Variants in DNAH9 observed in about 807,000 individuals in gnomAD.
The protein encoded by DNAH9 is dynein axonemal heavy chain 9, also known as DNAH9 variant protein.
DNAH9 carries 345 observed loss-of-function variants against 471.6 expected under a neutral mutation model. The observed-to-expected ratio is 0.73, with a 90% CI of 0.67 to 0.80. The LOEUF is 0.80. DNAH9 is among the 30% of genes least tolerant of loss of function. The pLI, the probability that DNAH9 is intolerant of heterozygous loss-of-function variation, is 0.00. For synonymous variants in DNAH9, 2,093 were observed against 2,123.6 expected (o/e 0.99, Z 0.40); for missense variants, 5,407 against 5,609.2 (o/e 0.96, Z 1.15).
chr17:11,610,619 C>T, intron 3 of DNAH9, 65 bp downstream of exon 3: 6 of 1,519,234 alleles, frequency 3.9e-6, no homozygotes, highest in Admixed American at 3.7e-5. Context: ...AAAGCTAGAG[C>T]TTTCCTGGGT....
intron 11 of DNAH9, among the ~76,000 whole-genome samples, chr17:11,645,783 C>T (rs1356691625): frequency 1.3e-5 from 2 of 152,064 alleles, no homozygotes; most frequent in Non-Finnish European, 2.9e-5. Flanking sequence ...CATCACCTCT[C>T]CTATGAAACC....
chr17:11,710,730 T>C (rs1044606651), intron 26 of DNAH9, among the ~76,000 whole-genome samples: 2 of 152,252 alleles, frequency 1.3e-5, no homozygotes, highest in African/African-American at 4.8e-5. Context: ...CAATTTAATA[T>C]TGCACTATAT....
At chr17:11,813,562 A>G (rs1379127591) in intron 45 of DNAH9, among the ~76,000 whole-genome samples, 1 of 152,082 alleles carries the variant, frequency 6.6e-6, no homozygotes, top group Admixed American at 6.6e-5. Context: ...CTTGCAATTC[A>G]CTCATCCCTC....
chr17:11,606,820 A>G (rs934020088), intron 1 of DNAH9, among the ~76,000 whole-genome samples: 1 of 152,152 alleles, frequency 6.6e-6, no homozygotes, highest in African/African-American at 2.4e-5. Context: ...GTCTTTCTCC[A>G]TCTGTAAGCA....
intron 67 of DNAH9, among the ~76,000 whole-genome samples, chr17:11,957,588 G>C (rs925097500): frequency 6.9e-6 from 1 of 145,386 alleles, no homozygotes; most frequent in African/African-American, 2.5e-5. Context: ...AAAAAAGCCA[G>C]CAAGCCAGAA....
rs1332783804 is a variant in DNAH9 at position 11,640,387 on chromosome 17, G to T, written c.1901+3G>T. ...AACTTTGGACGCATCACACACCCGT[G>T]AGTATTGTGTTCCTGAAAGACAGGC... is the stretch of plus-strand genomic sequence containing the variant. On this transcript the variant is annotated splice_donor_region_variant and intron_variant, in intron 10 of 68. Coordinates refer to ENST00000262442, the MANE Select transcript of DNAH9 (RefSeq NM_001372.4). 6.3e-7 allele frequency: 1 copy of T among 1,585,810 alleles called. No individual in the cohort carries two copies. The highest frequency in any genetic ancestry group is 1.7e-5 in the Admixed American group (1 of 59,964).
At chr17:11,901,498 C>T (rs894144972) in intron 59 of DNAH9, among the ~76,000 whole-genome samples, 3 of 152,082 alleles carry the variant, frequency 2.0e-5, no homozygotes, top group African/African-American at 7.2e-5. Flanking sequence ...GAGTTCAAGA[C>T]CAGCCCGACC....
intron 61 of DNAH9, among the ~76,000 whole-genome samples, chr17:11,916,068 T>A (rs1567897532): frequency 6.6e-6 from 1 of 152,252 alleles, no homozygotes; most frequent in Non-Finnish European, 1.5e-5. Context: ...CACTTTATAG[T>A]CTGTGTTCCT....
Position 11,694,346 on chromosome 17 carries a change from G to A in DNAH9, c.4771G>A (p.Ala1591Thr), listed in dbSNP as rs778956653. ...GRLCLCEKAL[A>T]EYLDTKRLAF... ...ATTGTGCCTGTGTGAGAAGGCCCTG[G>A]CAGAGTACCTCGACACCAAGAGGCT... Residue 1591 changes from alanine (A) to threonine (T), a missense_variant, in exon 22 of 69, where the codon GCA becomes ACA. Physicochemically the swap from Ala to Thr is moderately conservative, Grantham distance 58. Around this residue, in one of 3 missense-constraint regions of DNAH9, gnomAD observed 4,636 missense variants for 4,900.3 expected, o/e 0.95. Coordinates refer to ENST00000262442, the MANE Select transcript of DNAH9 (RefSeq NM_001372.4). 1.9e-6 allele frequency: 3 copies of A among 1,613,868 alleles called. No individual in the cohort carries two copies. Among genetic ancestry groups the A allele is most frequent in the Non-Finnish European group, 2.5e-6 (3 of 1,179,958 alleles).
intron 19 of DNAH9, among the ~76,000 whole-genome samples, chr17:11,681,326 A>AG (rs772851652): frequency 6.6e-6 from 1 of 151,852 alleles, no homozygotes; most frequent in Non-Finnish European, 1.5e-5. Context: ...GGTTTTCTTC[A>AG]GGGGGTTTCT....
intron 35 of DNAH9, among the ~76,000 whole-genome samples, chr17:11,762,773 T>TTTTTTG (rs1567783295): frequency 7.3e-5 from 8 of 109,286 alleles, no homozygotes; most frequent in African/African-American, 1.7e-4. Context: ...TTTTTTTGTT[T>TTTTTTG]TTTTTTTTTT....
chr17:11,662,919 C>A (rs2073799561), intron 14 of DNAH9, among the ~76,000 whole-genome samples: 1 of 151,554 alleles, frequency 6.6e-6, no homozygotes. Context: ...CTATGCCTGG[C>A]TAATTTTTTG....
chr17:11,931,414 C>G (rs1974503966), intron 63 of DNAH9, among the ~76,000 whole-genome samples: 1 of 152,094 alleles, frequency 6.6e-6, no homozygotes. Context: ...CTGGTTTAAG[C>G]CTAAAGTAAG....
Position 11,699,807 on chromosome 17 carries a change from C to T in DNAH9, c.4949C>T (p.Thr1650Ile), listed in dbSNP as rs760058518. Reference protein sequence around the residue: ...RFQLDASGEPTKTSLGMYSKE... With the variant: ...RFQLDASGEPIKTSLGMYSKE... ...CAGCTAGATGCCAGTGGGGAACCAA[C>T]CAAGACAAGCCTCGGCATGTACAGC... The change falls in exon 23 of 69, where the codon ACC becomes ATC. Residue 1650 changes from threonine (T) to isoleucine (I), a missense_variant. Thr to Ile is a moderately conservative substitution (Grantham distance 89, BLOSUM62 -1). Coordinates refer to ENST00000262442, the MANE Select transcript of DNAH9 (RefSeq NM_001372.4). 5 of 1,614,102 alleles carry T rather than the reference C, an allele frequency of 3.1e-6. 1 individual carries two copies. The South Asian group carries it at 5.5e-5, about 18-fold the overall frequency.
intron 14 of DNAH9, among the ~76,000 whole-genome samples, chr17:11,661,984 T>A (rs1198325385): frequency 5.3e-5 from 8 of 152,176 alleles, no homozygotes; most frequent in East Asian, 3.8e-4. Flanking sequence ...ATTTACTACT[T>A]CTTCAAGTTC....
chr17:11,636,214 C>T (rs892042422), intron 8 of DNAH9, among the ~76,000 whole-genome samples: 1 of 152,118 alleles, frequency 6.6e-6, no homozygotes, highest in African/African-American at 2.4e-5. Flanking sequence ...CCAACTTGGC[C>T]AGGCTGGTCT....
intron 24 of DNAH9, 52 bp downstream of exon 24, chr17:11,701,299 G>A (rs754778698): frequency 1.7e-5 from 27 of 1,593,090 alleles, no homozygotes; most frequent in South Asian, 8.9e-5. Context: ...GTCTTCCTCC[G>A]CAGCCTCCCC....
At chr17:11,780,056 C>T (rs1445290273) in intron 38 of DNAH9, among the ~76,000 whole-genome samples, 1 of 152,184 alleles carries the variant, frequency 6.6e-6, no homozygotes, top group Non-Finnish European at 1.5e-5. Flanking sequence ...TATTTCATTG[C>T]TTTACTGGAA....
intron 14 of DNAH9, among the ~76,000 whole-genome samples, chr17:11,661,868 C>T (rs918857777): frequency 2.0e-5 from 3 of 152,018 alleles, no homozygotes; most frequent in African/African-American, 7.2e-5. Context: ...AAAATATTTA[C>T]AGTGTTTTAT....
Sources: allele counts gnomAD v4.1 joint callset (sites outside exome capture counted in the v4.1 genomes callset), GRCh38; gene constraint gnomAD v4.1.1; regional missense constraint gnomAD v4.1.1; transcripts MANE v1.5; gene names NCBI Gene and HGNC (gene_info 2026-07-23, HGNC 2026-07-21).